Variants in NCOA2 observed in about 807,000 individuals in gnomAD.
The protein encoded by NCOA2 is nuclear receptor coactivator 2.
NCOA2 carries 21 observed loss-of-function variants against 145.1 expected under a neutral mutation model. That is an observed-to-expected ratio of 0.14 (90% CI 0.10 to 0.21). NCOA2 has a LOEUF of 0.21. Ranked by LOEUF, NCOA2 falls within the 10% of genes least tolerant of loss-of-function variation. NCOA2 has a pLI of 1.00. For missense variants in NCOA2, 1,472 were observed against 1,837.6 expected, an observed-to-expected ratio of 0.80 and a Z score of 3.64; for synonymous variants, 619 against 637.5, an observed-to-expected ratio of 0.97 and a Z score of 0.44.
chr8:70,253,431 C>A lies in NCOA2; in HGVS notation c.-19-36667G>T, dbSNP rs757270278. On this transcript the variant is annotated intron_variant, in intron 2 of 22. Transcript: ENST00000452400. ...AGAAGAGCAGGCAAAACCTAGAAAA[C>A]ATAATCAGAATGCCAGAGTAGAAAT... 2.0e-5 allele frequency among the ~76,000 whole-genome samples: 3 copies of A among 152,120 alleles called. No homozygotes were observed. In the East Asian group the frequency reaches 5.8e-4, roughly 29 times the overall value.
chr8:70,218,207 T>G (rs544114770), intron 2 of NCOA2, among the ~76,000 whole-genome samples: 2 of 150,972 alleles, frequency 1.3e-5, no homozygotes, highest in Admixed American at 6.6e-5. Context: ...TAGTTTTTTT[T>G]TTTTTTTTTT....
chr8:70,333,996 T>A (rs553546958), intron 1 of NCOA2, among the ~76,000 whole-genome samples: 2 of 152,314 alleles, frequency 1.3e-5, no homozygotes, highest in East Asian at 3.9e-4. Flanking sequence ...CAGGTCTTCA[T>A]GCTTTTCACT....
In NCOA2 at chr8:70,111,399, T is replaced by C. The variant is rs1806525683; in HGVS notation, c.*2233A>G. ...TTCACATATTTCTGAACATTAAAAC[T>C]GGTCACACTGAATTGTATGCCACAT... On this transcript the variant is annotated 3_prime_UTR_variant, in exon 23 of 23. Transcript: ENST00000452400. 1.4e-5 allele frequency: 3 copies of C among 222,028 alleles called. No individual in the cohort carries two copies. Among genetic ancestry groups the C allele is most frequent in the Non-Finnish European group, 2.7e-5 (3 of 111,032 alleles). The allele number at this position is 222,028 out of a possible 1,614,324, so 13.8% of individuals were successfully genotyped here.
At chr8:70,408,178 G>T (rs934855091), upstream of NCOA2, among the ~76,000 whole-genome samples, 1 of 152,100 alleles carries the variant, frequency 6.6e-6, no homozygotes, top group Non-Finnish European at 1.5e-5. Flanking sequence ...AAGTTATTTG[G>T]CATCTCTGCA....
chr8:70,204,701 G>A (rs372030328), intron 4 of NCOA2, among the ~76,000 whole-genome samples: 5 of 152,006 alleles, frequency 3.3e-5, no homozygotes, highest in South Asian at 2.1e-4. Flanking sequence ...ACTCAAAACC[G>A]CTGCAGGTGG....
At chr8:70,349,775 G>A (rs967202819) in intron 1 of NCOA2, among the ~76,000 whole-genome samples, 2 of 151,990 alleles carry the variant, frequency 1.3e-5, no homozygotes, top group African/African-American at 4.8e-5. Context: ...TATCATCTGT[G>A]AATCTAATTT....
chr8:70,451,613 C>T, the NCOA2 span, among the ~76,000 whole-genome samples: 4 of 152,054 alleles, frequency 2.6e-5, no homozygotes, highest in African/African-American at 9.7e-5. Flanking sequence ...TTCCTTTCCA[C>T]AGCATATAGC....
At chr8:70,393,372 TG>T (rs1813375979) in intron 1 of NCOA2, among the ~76,000 whole-genome samples, 1 of 152,220 alleles carries the variant, frequency 6.6e-6, no homozygotes, top group African/African-American at 2.4e-5. Context: ...CATGAGCTCC[TG>T]GTGGGATATC....
intron 1 of NCOA2, among the ~76,000 whole-genome samples, chr8:70,362,120 A>G (rs773444439): frequency 6.6e-6 from 1 of 152,200 alleles, no homozygotes; most frequent in African/African-American, 2.4e-5. Context: ...TGGAGCACAG[A>G]TATTTACTGT....
intron 1 of NCOA2, among the ~76,000 whole-genome samples, chr8:70,367,323 C>T (rs1318522097): frequency 6.6e-6 from 1 of 152,162 alleles, no homozygotes; most frequent in Non-Finnish European, 1.5e-5. Context: ...AAAATAACAG[C>T]ATTTGTGAGA....
chr8:70,338,861 T>C (rs1448856279), intron 1 of NCOA2, among the ~76,000 whole-genome samples: 1 of 151,974 alleles, frequency 6.6e-6, no homozygotes, highest in Admixed American at 6.6e-5. Context: ...CATGATTATC[T>C]CAATACACGC....
chr8:70,301,470 C>G (rs12675772), intron 1 of NCOA2, among the ~76,000 whole-genome samples: 15,912 of 151,408 alleles, frequency 0.11, 1,274 homozygotes, highest in East Asian at 0.41. Flanking sequence ...CTTGGGGCAA[C>G]AAGGTAAAAC....
chr8:70,442,116 G>GAAGAAAGAAAGAAAGAAGA, the NCOA2 span, among the ~76,000 whole-genome samples: 2 of 82,450 alleles, frequency 2.4e-5, no homozygotes, highest in East Asian at 8.3e-4. Flanking sequence ...GAGAAAGAAA[G>GAAGAAAGAAAGAAAGAAGA]AAGAAAGAAA....
At chr8:70,337,111 A>G (rs2136392842) in intron 1 of NCOA2, among the ~76,000 whole-genome samples, 1 of 152,288 alleles carries the variant, frequency 6.6e-6, no homozygotes, top group Non-Finnish European at 1.5e-5. Flanking sequence ...AAATAAACTC[A>G]TTAATGTTTT....
chr8:70,357,089 T>TC (rs752875779), intron 1 of NCOA2, among the ~76,000 whole-genome samples: 15 of 152,310 alleles, frequency 9.8e-5, no homozygotes, highest in Admixed American at 1.3e-4. Context: ...CTTAATGAGT[T>TC]CCGCCTGCTT....
intron 2 of NCOA2, among the ~76,000 whole-genome samples, chr8:70,252,429 A>T (rs77965229): frequency 0.01 from 1,534 of 152,256 alleles, 24 homozygotes; most frequent in African/African-American, 0.035. Context: ...AAATAAAACA[A>T]AATAAAACGT....
chr8:70,120,615 A>G (rs193139275), intron 22 of NCOA2, among the ~76,000 whole-genome samples: 4 of 152,162 alleles, frequency 2.6e-5, no homozygotes, highest in African/African-American at 9.6e-5. Context: ...CAGCTACTCA[A>G]GAGGCTGAGG....
chr8:70,143,060 C>T (rs2131867182), intron 13 of NCOA2, among the ~76,000 whole-genome samples: 1 of 152,056 alleles, frequency 6.6e-6, no homozygotes, highest in East Asian at 1.9e-4. Flanking sequence ...AGTGATTCTC[C>T]TGCCTCAGCC....
chr8:70,310,774 A>G (rs1045036934), intron 1 of NCOA2, among the ~76,000 whole-genome samples: 1 of 152,220 alleles, frequency 6.6e-6, no homozygotes, highest in African/African-American at 2.4e-5. Flanking sequence ...TGACTAAAAT[A>G]ATTTTTAACT....
Sources: allele counts gnomAD v4.1 joint callset (sites outside exome capture counted in the v4.1 genomes callset), GRCh38; gene constraint gnomAD v4.1.1; transcripts MANE v1.5; gene names NCBI Gene and HGNC (gene_info 2026-07-23, HGNC 2026-07-21).